FRMPD2: variants seen among roughly 807,000 people sequenced by gnomAD.
FRMPD2 encodes FERM and PDZ domain-containing protein 2.
Under a neutral mutation model 140.1 loss-of-function variants are expected in FRMPD2, and 96 were observed. That is an observed-to-expected ratio of 0.69 (90% CI 0.58 to 0.81). FRMPD2 has a LOEUF of 0.81. Ranked by LOEUF, FRMPD2 falls within the 40% of genes least tolerant of loss-of-function variation. The pLI is 0.00. For missense variants in FRMPD2, 1,240 were observed against 1,447.4 expected (o/e 0.86, Z 2.32); for synonymous variants, 449 against 547.6 (o/e 0.82, Z 2.52).
intron 1 of FRMPD2, among the ~76,000 whole-genome samples, chr10:48,268,643 C>T (rs1036398401): frequency 6.6e-6 from 1 of 152,168 alleles, no homozygotes; most frequent in African/African-American, 2.4e-5. Context: ...ATGAGAAAAA[C>T]CAGTCTCAAA....
intron 1 of FRMPD2, among the ~76,000 whole-genome samples, chr10:48,258,243 A>C (rs1840522516): frequency 6.6e-6 from 1 of 152,246 alleles, no homozygotes; most frequent in Admixed American, 6.5e-5. Context: ...GGAAAAGACT[A>C]TCCTGCCTCT....
intron 8 of FRMPD2, 89 bp from the exon 9 acceptor site, chr10:48,236,642 C>A: frequency 8.4e-7 from 1 of 1,190,902 alleles, no homozygotes; most frequent in South Asian, 1.3e-5. Context: ...TCTGCAGCCC[C>A]CACCAGCATA....
intron 16 of FRMPD2, among the ~76,000 whole-genome samples, chr10:48,190,086 A>G (rs1237786210): frequency 6.6e-6 from 1 of 152,170 alleles, no homozygotes; most frequent in African/African-American, 2.4e-5. Context: ...CCCTGTCAGA[A>G]GGGGCCCCCG....
chr10:48,208,173 G>A lies in FRMPD2; in HGVS notation c.1612-1240C>T, dbSNP rs554555112. ...CATGTGATTAAAGTTTAAAAAGCAG[G>A]GCCACCACAAGATAATAGGCAGACG... On this transcript the variant is annotated intron_variant, in intron 13 of 28. Transcript: ENST00000374201. Among the ~76,000 whole-genome samples the A allele has an allele frequency of 7.9e-5, 12 of 152,036 alleles. 1 individual carries two copies. Among genetic ancestry groups the A allele is most frequent in the South Asian group, 4.2e-4 (2 of 4,804 alleles).
At chr10:48,231,682 T>A (rs1839849586) in intron 10 of FRMPD2, among the ~76,000 whole-genome samples, 1 of 152,150 alleles carries the variant, frequency 6.6e-6, no homozygotes, top group African/African-American at 2.4e-5. Context: ...ACAGCAGAAA[T>A]AAAGAGTCTC....
chr10:48,187,841 G>A (rs1838725817), intron 16 of FRMPD2, among the ~76,000 whole-genome samples: 1 of 152,206 alleles, frequency 6.6e-6, no homozygotes, highest in African/African-American at 2.4e-5. Context: ...TGTGTTGGGT[G>A]CCGCCTGATC....
At chr10:48,215,601 G>C (rs559036862) in intron 12 of FRMPD2, among the ~76,000 whole-genome samples, 3 of 152,288 alleles carry the variant, frequency 2.0e-5, no homozygotes, top group African/African-American at 7.2e-5. Flanking sequence ...TAAACCTGTT[G>C]GCCTTTACAT....
intron 9 of FRMPD2, among the ~76,000 whole-genome samples, chr10:48,233,241 G>C (rs114438599): frequency 6.6e-6 from 1 of 152,188 alleles, no homozygotes; most frequent in Admixed American, 6.5e-5. Flanking sequence ...CCAGGGGCCA[G>C]AGCAGATCTG....
intron 28 of FRMPD2, among the ~76,000 whole-genome samples, chr10:48,158,292 T>G (rs1483803911): frequency 6.8e-6 from 1 of 146,040 alleles, no homozygotes; most frequent in African/African-American, 2.6e-5. Context: ...AACGACTGCC[T>G]TTCCTTCTAT....
chr10:48,162,182 T>C (rs1400692598), intron 28 of FRMPD2, among the ~76,000 whole-genome samples: 1 of 142,358 alleles, frequency 7.0e-6, no homozygotes, highest in African/African-American at 2.7e-5. Context: ...TAAATACACT[T>C]ATGTTATACA....
At chr10:48,199,227 G>T (rs1425804396) in intron 15 of FRMPD2, among the ~76,000 whole-genome samples, 1 of 145,396 alleles carries the variant, frequency 6.9e-6, no homozygotes, top group Non-Finnish European at 1.5e-5. Context: ...TGTACCCCCT[G>T]CATCTAAAAT....
chr10:48,265,162 G>T lies in FRMPD2; in HGVS notation c.25+9381C>A, dbSNP rs536274111. On this transcript the variant is annotated intron_variant, in intron 1 of 28. Transcript: ENST00000374201. ...GTGCTGGGATAATGGCTAGCCATATGCAGAAGATTAAAACAAAACTCCTTC... is the reference window on the plus strand; with the variant it reads ...GTGCTGGGATAATGGCTAGCCATATTCAGAAGATTAAAACAAAACTCCTTC... Among the ~76,000 whole-genome samples the T allele has an allele frequency of 8.5e-5, 13 of 152,304 alleles. No individual in the cohort carries two copies. In the South Asian group the frequency reaches 2.7e-3, roughly 32 times the overall value.
rs114433168 is a variant in FRMPD2 at position 48,207,200 on chromosome 10, T to C, written c.1612-267A>G. 5.6e-3 allele frequency among the ~76,000 whole-genome samples: 856 copies of C among 151,974 alleles called. 8 individuals carry two copies. The highest frequency in any genetic ancestry group is 0.02 in the African/African-American group (812 of 41,392). On this transcript the variant is annotated intron_variant, in intron 13 of 28. Coordinates refer to ENST00000374201, the MANE Select transcript of FRMPD2 (RefSeq NM_001018071.4). ...TCTCATGGAATACCTAAAACAGTAC[T>C]TAGAATACAGTTATTATGAAAATAA...
rs778083587 is a variant in FRMPD2 at position 48,223,286 on chromosome 10, A to G, written c.1169-16T>C. 3 of 1,607,270 alleles carry G rather than the reference A, an allele frequency of 1.9e-6. No homozygotes were observed. The highest frequency in any genetic ancestry group is 2.6e-6 in the Non-Finnish European group (3 of 1,176,400). Reference sequence around the variant, plus strand: ...AACTCTTTGCCTGAAATGGAAATAGAGCATGTGTGGAAGGAGAAGCAGTAG... The same window carrying G: ...AACTCTTTGCCTGAAATGGAAATAGGGCATGTGTGGAAGGAGAAGCAGTAG... On this transcript the variant is annotated splice_polypyrimidine_tract_variant and intron_variant, in intron 10 of 28. Coordinates refer to ENST00000374201, the MANE Select transcript of FRMPD2 (RefSeq NM_001018071.4).
At chr10:48,222,942 T>C (rs1187765917) in intron 11 of FRMPD2, among the ~76,000 whole-genome samples, 181 bp downstream of exon 11, 2 of 152,196 alleles carry the variant, frequency 1.3e-5, no homozygotes, top group Non-Finnish European at 2.9e-5. Context: ...ATAAAAAAAC[T>C]GATTTTCCTC....
At chr10:48,243,786 G>A (rs988082335) in intron 4 of FRMPD2, among the ~76,000 whole-genome samples, 9 of 152,294 alleles carry the variant, frequency 5.9e-5, no homozygotes, top group Admixed American at 3.3e-4. Flanking sequence ...GAGGGTCGGG[G>A]TGAGTAGAAA....
intron 16 of FRMPD2, among the ~76,000 whole-genome samples, chr10:48,188,077 C>T (rs1438035363): frequency 1.3e-5 from 2 of 152,172 alleles, no homozygotes; most frequent in Non-Finnish European, 1.5e-5. Context: ...TCTCAGAGCC[C>T]TGGAAAAAGC....
intron 9 of FRMPD2, among the ~76,000 whole-genome samples, chr10:48,234,488 G>A (rs1285629293): frequency 1.3e-5 from 2 of 152,126 alleles, no homozygotes; most frequent in African/African-American, 2.4e-5. Flanking sequence ...GAAGGAAAGG[G>A]TGTGTGTACC....
chr10:48,244,684 A>G (rs1840203100), intron 4 of FRMPD2, 100 bp downstream of exon 4: 4 of 861,412 alleles, frequency 4.6e-6, no homozygotes, highest in Non-Finnish European at 6.0e-6. Flanking sequence ...GGAGAGTGGC[A>G]TTATGTGTGC....
Sources: gnomAD v4.1 joint callset for allele counts (sites outside exome capture counted in the v4.1 genomes callset) on GRCh38, gnomAD v4.1.1 for gene constraint, MANE v1.5 for transcripts, NCBI Gene and HGNC (gene_info 2026-07-23, HGNC 2026-07-21) for gene names.